SCN9A: variants seen among roughly 807,000 people sequenced by gnomAD.
The protein encoded by SCN9A is sodium voltage-gated channel alpha subunit 9.
SCN9A carries 131 observed loss-of-function variants against 187.0 expected under a neutral mutation model. The observed-to-expected ratio is 0.70, with a 90% CI of 0.61 to 0.81. The LOEUF (loss-of-function observed/expected upper bound fraction) is 0.81. Ranked by LOEUF, SCN9A falls within the 30% of genes least tolerant of loss-of-function variation. SCN9A has a pLI of 0.00. For synonymous variants in SCN9A, 809 were observed against 808.6 expected (o/e 1.00, Z -0.01); for missense variants, 2,252 against 2,396.6 (o/e 0.94, Z 1.26).
chr2:166,215,755 C>G (rs1574732545), intron 24 of SCN9A, among the ~76,000 whole-genome samples: 1 of 99,476 alleles, frequency 1.0e-5, no homozygotes, highest in African/African-American at 4.0e-5. Flanking sequence ...GAAAATAGAT[C>G]AGTAATAAAT....
chr2:166,322,571 G>T (rs1699270643), intron 1 of SCN9A, among the ~76,000 whole-genome samples: 1 of 152,120 alleles, frequency 6.6e-6, no homozygotes, highest in Admixed American at 6.6e-5. Flanking sequence ...TGCACATAAT[G>T]AACACGTATT....
At chr2:166,346,400 T>C (rs1460327069) in intron 1 of SCN9A, among the ~76,000 whole-genome samples, 1 of 152,200 alleles carries the variant, frequency 6.6e-6, no homozygotes, top group Non-Finnish European at 1.5e-5. Flanking sequence ...GAATACCTTT[T>C]ATTTATCTCA....
rs923892913 is a variant in SCN9A, at chr2:166,309,571, C to T, written c.258+1928G>A. ...ATGTGAAGGACCTCTTCGAGGAGAA[C>T]TACAAACCACTGCTCAAGGAAATAA... On this transcript the variant is annotated intron_variant, in intron 2 of 26. Transcript: ENST00000642356. Among the ~76,000 whole-genome samples the T allele has an allele frequency of 1.8e-3, 272 of 152,122 alleles. 1 individual carries two copies. Among genetic ancestry groups the T allele is most frequent in the African/African-American group, 5.9e-3 (245 of 41,484 alleles).
intron 1 of SCN9A, among the ~76,000 whole-genome samples, chr2:166,370,789 T>A (rs1343549098): frequency 5.3e-5 from 8 of 151,500 alleles, no homozygotes; most frequent in African/African-American, 1.9e-4. Flanking sequence ...ATATCAAACA[T>A]TTGGAAGATG....
intron 24 of SCN9A, among the ~76,000 whole-genome samples, chr2:166,213,509 A>T (rs1345147192): frequency 1.3e-5 from 2 of 149,378 alleles, no homozygotes; most frequent in Non-Finnish European, 3.0e-5. Flanking sequence ...AATGATAGTA[A>T]CTCCCAAAAA....
intron 1 of SCN9A, among the ~76,000 whole-genome samples, chr2:166,329,341 A>G (rs958733453): frequency 3.9e-5 from 6 of 152,144 alleles, no homozygotes; most frequent in Non-Finnish European, 7.4e-5. Context: ...TATGAAAATA[A>G]TGGTCACATG....
chr2:166,330,231 C>A (rs529011948), intron 1 of SCN9A, among the ~76,000 whole-genome samples: 344 of 152,212 alleles, frequency 2.3e-3, no homozygotes, highest in Non-Finnish European at 3.5e-3. Context: ...CAATTGTTAT[C>A]ATTGGCCATG....
chr2:166,212,103 A>G (rs919272993), intron 24 of SCN9A, among the ~76,000 whole-genome samples: 1 of 152,228 alleles, frequency 6.6e-6, no homozygotes, highest in African/African-American at 2.4e-5. Context: ...ATGGTAACCA[A>G]AAGAGAGCAA....
Position 166,270,780 on chromosome 2 carries a change from T to TATCA in SCN9A, c.3351+1615_3351+1618dup, listed in dbSNP as rs1553486344. ...TTTTACTGATATATATATATATATA[T>TATCA]ATCAGTCATGATTATTCCATATAAT... On this transcript the variant is annotated intron_variant, in intron 17 of 26. Coordinates refer to ENST00000642356, the MANE Select transcript of SCN9A (RefSeq NM_001365536.1). 2.0e-5 allele frequency among the ~76,000 whole-genome samples: 3 copies of TATCA among 150,662 alleles called. No individual in the cohort carries two copies. In the East Asian group the frequency reaches 5.9e-4, roughly 29 times the overall value.
At chr2:166,302,879 T>C (rs1046647136) in intron 7 of SCN9A, 19 of 439,140 alleles carry the variant, frequency 4.3e-5, no homozygotes, top group Non-Finnish European at 6.8e-5. Flanking sequence ...GGAACTATCC[T>C]GTGTTCCTTT....
chr2:166,317,007 TA>T (rs1213557032), intron 1 of SCN9A, among the ~76,000 whole-genome samples: 1 of 152,002 alleles, frequency 6.6e-6, no homozygotes, highest in Non-Finnish European at 1.5e-5. Context: ...AAATGAATTA[TA>T]AAAATATAAT....
chr2:166,313,307 T>G (rs1699025891), intron 1 of SCN9A, among the ~76,000 whole-genome samples: 1 of 152,160 alleles, frequency 6.6e-6, no homozygotes, highest in Non-Finnish European at 1.5e-5. Flanking sequence ...CATTGACTTC[T>G]CCTTTCTAGC....
chr2:166,352,500 T>C (rs2105300668), intron 1 of SCN9A, among the ~76,000 whole-genome samples: 1 of 152,332 alleles, frequency 6.6e-6, no homozygotes, highest in East Asian at 1.9e-4. Context: ...TTACATTCTG[T>C]ACTGAAGTAT....
At chr2:166,226,467 A>G (rs1409802590) in intron 24 of SCN9A, 100 bp downstream of exon 24, 1 of 812,752 alleles carries the variant, frequency 1.2e-6, no homozygotes, top group African/African-American at 1.8e-5. Context: ...TTCTAATAAA[A>G]TTAATCATGA....
At chr2:166,289,836 C>T (rs1168638389) in intron 9 of SCN9A, among the ~76,000 whole-genome samples, 1 of 152,170 alleles carries the variant, frequency 6.6e-6, no homozygotes, top group Non-Finnish European at 1.5e-5. Flanking sequence ...TATCACCATT[C>T]TAACTGGCAT....
intron 1 of SCN9A, among the ~76,000 whole-genome samples, chr2:166,315,918 G>C (rs1699097022): frequency 6.6e-6 from 1 of 152,144 alleles, no homozygotes; most frequent in South Asian, 2.1e-4. Context: ...GAGATTTCTG[G>C]TGGAGTAAAT....
At chr2:166,255,767 CAGTA>C (rs1696244227) in intron 17 of SCN9A, among the ~76,000 whole-genome samples, 1 of 151,278 alleles carries the variant, frequency 6.6e-6, no homozygotes, top group African/African-American at 2.4e-5. Flanking sequence ...TCACAAAAGA[CAGTA>C]AGAAAGTTGA....
At chr2:166,277,421 A>G in intron 15 of SCN9A, 82 bp from the exon 16 acceptor site, 2 of 864,160 alleles carry the variant, frequency 2.3e-6, no homozygotes, top group Non-Finnish European at 3.6e-6. Flanking sequence ...TTCAAAGGGT[A>G]AAGCAGACTT....
At chr2:166,254,587 TATCA>T (rs1189075524) in intron 17 of SCN9A, among the ~76,000 whole-genome samples, 1 of 151,522 alleles carries the variant, frequency 6.6e-6, no homozygotes, top group East Asian at 1.9e-4. Flanking sequence ...AGGAAGATCA[TATCA>T]ATTATTTGTA....
Sources: allele counts gnomAD v4.1 joint callset (sites outside exome capture counted in the v4.1 genomes callset), GRCh38; gene constraint gnomAD v4.1.1; transcripts MANE v1.5; gene names NCBI Gene and HGNC (gene_info 2026-07-23, HGNC 2026-07-21).